The following CCDC13 variants were observed in gnomAD, a reference collection of about 807,000 sequenced individuals.
CCDC13 encodes coiled-coil domain-containing protein 13.
A neutral mutation model predicts 87.3 loss-of-function variants in CCDC13; 70 were observed. That is an observed-to-expected ratio of 0.80 (90% CI 0.66 to 0.98). CCDC13 has a LOEUF of 0.98. CCDC13 is among the 50% of genes least tolerant of loss of function. The probability of loss-of-function intolerance (pLI) is 0.00; values close to 1 mark genes in which losing one functional copy is unlikely to be tolerated. For missense variants in CCDC13, 842 were observed against 892.0 expected, an observed-to-expected ratio of 0.94 and a Z score of 0.71; for synonymous variants, 317 against 360.3, an observed-to-expected ratio of 0.88 and a Z score of 1.36.
At chr3:42,727,731 T>C (rs1260639987) in intron 13 of CCDC13, among the ~76,000 whole-genome samples, 3 of 152,196 alleles carry the variant, frequency 2.0e-5, no homozygotes, top group African/African-American at 2.4e-5. Context: ...AAAGTGATAG[T>C]AGCAAAACCA....
intron 5 of CCDC13, 109 bp downstream of exon 5, chr3:42,751,826 TG>T (rs779086420): frequency 3.3e-6 from 3 of 899,458 alleles, no homozygotes; most frequent in Non-Finnish European, 5.3e-6. Flanking sequence ...GCAGCGGGGT[TG>T]GGGGTTGGGG....
intron 13 of CCDC13, among the ~76,000 whole-genome samples, chr3:42,724,523 C>G: frequency 6.6e-6 from 1 of 152,196 alleles, no homozygotes; most frequent in East Asian, 1.9e-4. Flanking sequence ...TCTCTTTTGA[C>G]CAATCTCTGG....
At position 42,759,045 on chromosome 3, in the gene CCDC13, T is replaced by C. The variant is rs373502330; in HGVS notation, c.-6-694A>G. On this transcript the variant is annotated intron_variant, in intron 1 of 15. Transcript: ENST00000310232. ...GTACAATAAAATCCACCAGGTTGGG[T>C]GCAGTGGCTCATGCCTTGCAATCAC... Among the ~76,000 whole-genome samples, 8 of 152,336 alleles carry C rather than the reference T, an allele frequency of 5.3e-5. No homozygotes were observed. The East Asian group carries it at 1.4e-3, about 26-fold the overall frequency.
chr3:42,726,678 C>A (rs1383978162), intron 13 of CCDC13, among the ~76,000 whole-genome samples: 1 of 151,790 alleles, frequency 6.6e-6, no homozygotes, highest in Non-Finnish European at 1.5e-5. Flanking sequence ...CATATGTATA[C>A]TTTACATATA....
chr3:42,748,736 G>A (rs1030008796), intron 5 of CCDC13, among the ~76,000 whole-genome samples: 4 of 152,108 alleles, frequency 2.6e-5, no homozygotes, highest in Admixed American at 6.5e-5. Flanking sequence ...TTCCTGCTCC[G>A]CTTCCTCAGA....
intron 1 of CCDC13, among the ~76,000 whole-genome samples, chr3:42,769,150 AAAAAG>A (rs1166047543): frequency 6.6e-6 from 1 of 152,226 alleles, no homozygotes; most frequent in Non-Finnish European, 1.5e-5. Flanking sequence ...AAAAAAGAAA[AAAAAG>A]AAAAGTGGGC....
At chr3:42,734,939 G>T (rs550852926) in intron 10 of CCDC13, among the ~76,000 whole-genome samples, 1 of 152,396 alleles carries the variant, frequency 6.6e-6, no homozygotes, top group East Asian at 1.9e-4. Flanking sequence ...CATCTACTGT[G>T]TGCTTGCTCC....
chr3:42,750,971 T>C (rs1699563336), intron 5 of CCDC13, among the ~76,000 whole-genome samples: 1 of 140,082 alleles, frequency 7.1e-6, no homozygotes, highest in South Asian at 2.3e-4. Context: ...AGAGCCCCTC[T>C]TCTACTTCCC....
chr3:42,749,818 A>C (rs1229520409), intron 5 of CCDC13: 4 of 455,866 alleles, frequency 8.8e-6, no homozygotes, highest in Admixed American at 7.1e-5. Flanking sequence ...CGCTACTCAC[A>C]TCACGGCCTC....
At chr3:42,769,648 G>T (rs1294752923) in intron 1 of CCDC13, among the ~76,000 whole-genome samples, 1 of 152,394 alleles carries the variant, frequency 6.6e-6, no homozygotes, top group East Asian at 1.9e-4. Flanking sequence ...GCTGCACTGT[G>T]GGAGACCCTC....
chr3:42,714,645 T>C (rs1698389638), intron 13 of CCDC13, among the ~76,000 whole-genome samples: 1 of 152,202 alleles, frequency 6.6e-6, no homozygotes, highest in African/African-American at 2.4e-5. Flanking sequence ...AAGAGTTACA[T>C]GCACACCTGA....
chr3:42,711,246 CAAAAAAAAAA>C (rs1174084143), intron 14 of CCDC13, among the ~76,000 whole-genome samples: 3 of 75,324 alleles, frequency 4.0e-5, no homozygotes, highest in African/African-American at 1.7e-4. Flanking sequence ...ACTCTGTCTC[CAAAAAAAAAA>C]AAAAAAAAAA....
intron 6 of CCDC13, chr3:42,746,277 C>G: frequency 2.1e-6 from 1 of 470,498 alleles, no homozygotes; most frequent in South Asian, 2.7e-5. Flanking sequence ...CAGCAATGCC[C>G]AGATAGGGCC....
chr3:42,711,873 G>A (rs562908099), intron 14 of CCDC13, among the ~76,000 whole-genome samples: 1 of 152,310 alleles, frequency 6.6e-6, no homozygotes, highest in African/African-American at 2.4e-5. Context: ...GTCCAGCAGG[G>A]AACAAAGTGA....
intron 9 of CCDC13, 75 bp downstream of exon 9, chr3:42,739,559 C>G: frequency 6.6e-7 from 1 of 1,513,994 alleles, no homozygotes; most frequent in Middle Eastern, 2.3e-4. Flanking sequence ...TGAGGGCTCA[C>G]TCTGGCCATG....
chr3:42,750,288 C>T (rs1699541657), intron 5 of CCDC13, among the ~76,000 whole-genome samples: 3 of 152,172 alleles, frequency 2.0e-5, no homozygotes, highest in Non-Finnish European at 2.9e-5. Context: ...AGCTCAGGGA[C>T]GCCCTCCTCC....
intron 6 of CCDC13, chr3:42,747,031 G>C (rs1699420408): frequency 1.6e-6 from 1 of 639,014 alleles, no homozygotes; most frequent in East Asian, 2.9e-5. Flanking sequence ...TATGCTGCGG[G>C]GGTGGGGGTG....
In CCDC13 at chr3:42,713,325, T is replaced by G. The variant is rs1193327073; in HGVS notation, c.1719-9A>C. 6 of 1,613,420 alleles carry G rather than the reference T, an allele frequency of 3.7e-6. No individual in the cohort carries two copies. In the Admixed American group the frequency reaches 1.0e-4, roughly 27 times the overall value. On this transcript the variant is annotated splice_polypyrimidine_tract_variant and intron_variant, in intron 13 of 15. Transcript: ENST00000310232. ...TGTTGCTCTCCTCCACCCTGGTGAT[T>G]AGAGAGGAGGGGATGCTACATGCCC...
intron 1 of CCDC13, among the ~76,000 whole-genome samples, chr3:42,769,581 C>G (rs942158635): frequency 2.6e-5 from 4 of 152,286 alleles, no homozygotes; most frequent in Non-Finnish European, 5.9e-5. Flanking sequence ...TCACTCTGGG[C>G]ACCTCCTCGG....
Sources: allele counts gnomAD v4.1 joint callset (sites outside exome capture counted in the v4.1 genomes callset), GRCh38; gene constraint gnomAD v4.1.1; transcripts MANE v1.5; gene names NCBI Gene and HGNC (gene_info 2026-07-23, HGNC 2026-07-21).